The following DNAJC5B variants were observed in gnomAD, a reference collection of about 807,000 sequenced individuals.
DNAJC5B encodes the protein DnaJ heat shock protein family (Hsp40) member C5 beta.
In DNAJC5B, 23 loss-of-function variants were observed where a neutral mutation model predicts 24.7. The ratio of observed to expected loss-of-function variants is 0.93; its 90% confidence interval spans 0.67 to 1.32. DNAJC5B has a LOEUF of 1.32. Ranked by LOEUF, DNAJC5B falls within the 40% of genes most tolerant of loss-of-function variation. The probability of loss-of-function intolerance (pLI) is 0.00; values close to 1 mark genes in which losing one functional copy is unlikely to be tolerated. For synonymous variants in DNAJC5B, 101 were observed against 90.1 expected (o/e 1.12, Z -0.68); for missense variants, 238 against 240.8 (o/e 0.99, Z 0.08).
In DNAJC5B at chr8:66,100,269, A is replaced by G. The variant is rs994549873; in HGVS notation, c.*238A>G. 3.4e-5 allele frequency: 14 copies of G among 412,298 alleles called. 1 individual carries two copies. Among genetic ancestry groups the G allele is most frequent in the African/African-American group, 2.6e-4 (13 of 49,408 alleles). The allele number at this position is 412,298 out of a possible 1,614,324, so 25.5% of individuals were successfully genotyped here. On this transcript the variant is annotated 3_prime_UTR_variant, in exon 6 of 6. Transcript: ENST00000276570. ...GAATAAAGGCCTGAAGAGTTATTTT[A>G]CCCTCCTTGCCTGATGTAGGACAGT...
intron 3 of DNAJC5B, among the ~76,000 whole-genome samples, chr8:66,070,357 A>G (rs950096297): frequency 3.3e-5 from 5 of 152,236 alleles, no homozygotes; most frequent in African/African-American, 1.2e-4. Context: ...CAACTTCAGC[A>G]AAGTCTCAGG....
chr8:66,100,097 G>C lies in DNAJC5B; in HGVS notation c.*66G>C, dbSNP rs1808043343. 1.5e-6 allele frequency: 2 copies of C among 1,377,328 alleles called. No homozygotes were observed. Among genetic ancestry groups the C allele is most frequent in the East Asian group, 2.4e-5 (1 of 42,500 alleles). 85.3% of individuals were successfully genotyped at this position (1,377,328 alleles called of 1,614,324 possible). A position where few individuals can be genotyped will look rare whatever the true frequency, so the allele number is the denominator to read the frequency against. ...CAGTCTTGTCTCCAGATGGTCGTAG[G>C]GGAGCGTGTGGGGCATAAAGTGCTG... On this transcript the variant is annotated 3_prime_UTR_variant, in exon 6 of 6. Coordinates refer to ENST00000276570, the MANE Select transcript of DNAJC5B (RefSeq NM_033105.6).
intron 5 of DNAJC5B, among the ~76,000 whole-genome samples, chr8:66,094,013 GAGC>G (rs1807900333): frequency 6.6e-6 from 1 of 152,026 alleles, no homozygotes; most frequent in Admixed American, 6.6e-5. Flanking sequence ...TAGATATATG[GAGC>G]AGTTTCTGGG....
chr8:66,061,713 T>C (rs1183019607), intron 3 of DNAJC5B, among the ~76,000 whole-genome samples: 6 of 152,196 alleles, frequency 3.9e-5, no homozygotes. Flanking sequence ...ACAACTGTTT[T>C]ATTTTAACAT....
intron 1 of DNAJC5B, among the ~76,000 whole-genome samples, chr8:66,026,504 A>G (rs1563583368): frequency 6.6e-6 from 1 of 152,254 alleles, no homozygotes; most frequent in East Asian, 1.9e-4. Flanking sequence ...ACCTCTCTGA[A>G]GATCCTGAGA....
At chr8:66,029,859 T>G (rs1417844855) in intron 1 of DNAJC5B, among the ~76,000 whole-genome samples, 1 of 152,146 alleles carries the variant, frequency 6.6e-6, no homozygotes, top group Admixed American at 6.5e-5. Flanking sequence ...GAGCTGAAAC[T>G]TTTGACAGTG....
intron 3 of DNAJC5B, among the ~76,000 whole-genome samples, chr8:66,072,823 G>A (rs984820819): frequency 6.6e-6 from 1 of 152,130 alleles, no homozygotes; most frequent in Non-Finnish European, 1.5e-5. Flanking sequence ...TGACCAAACT[G>A]AGTTTATCCC....
rs1222988699 is a variant in DNAJC5B at position 66,080,462 on chromosome 8, G to C, written c.419G>C (p.Cys140Ser). 6.8e-6 allele frequency: 11 copies of C among 1,613,952 alleles called. No individual in the cohort carries two copies. The highest frequency in any genetic ancestry group is 9.3e-6 in the Non-Finnish European group (11 of 1,180,004). ...TGCTGCAACTGCTGCTGTGGACACTGCCGGCCCGAGTCATCAGTGCCAGAA... is the reference window on the plus strand; with the variant it reads ...TGCTGCAACTGCTGCTGTGGACACTCCCGGCCCGAGTCATCAGTGCCAGAA... ...CCCCNCCCGHCRPESSVPEED... is the reference protein window; with the variant it reads ...CCCCNCCCGHSRPESSVPEED... Residue 140 changes from cysteine (C) to serine (S), a missense_variant, in exon 5 of 6, where the codon TGC becomes TCC. Physicochemically the swap from Cys to Ser is moderately radical, Grantham distance 112. Coordinates refer to ENST00000276570, the MANE Select transcript of DNAJC5B (RefSeq NM_033105.6).
In DNAJC5B at chr8:66,080,513, AT is replaced by A; in HGVS notation, c.471del (p.Leu158TrpfsTer30). ...GAGGACTTCTATGTGTCCCCAGAGG[AT>A]CTGGAGGAGCAGATCAAGTCTGACA... is the stretch of plus-strand genomic sequence containing the variant. ...PEEDFYVSPE[D>X]LEEQIKSDME... On this transcript the variant is annotated frameshift_variant, in exon 5 of 6. Coordinates refer to ENST00000276570, the MANE Select transcript of DNAJC5B (RefSeq NM_033105.6). LOFTEE classifies it high-confidence loss of function. 6.2e-7 allele frequency: 1 copy of A among 1,613,168 alleles called. No individual in the cohort carries two copies.
intron 3 of DNAJC5B, among the ~76,000 whole-genome samples, chr8:66,071,767 AC>A (rs780779039): frequency 6.6e-5 from 10 of 152,228 alleles, no homozygotes; most frequent in Non-Finnish European, 1.3e-4. Context: ...TTATTGCAGC[AC>A]TATGCACAAT....
At chr8:66,033,791 T>G (rs1806413011) in intron 1 of DNAJC5B, among the ~76,000 whole-genome samples, 1 of 149,648 alleles carries the variant, frequency 6.7e-6, no homozygotes, top group Admixed American at 6.7e-5. Flanking sequence ...TTTTTTTTTT[T>G]TTGGTAGCAT....
chr8:66,038,332 T>C (rs1256651779), intron 1 of DNAJC5B, among the ~76,000 whole-genome samples: 1 of 152,218 alleles, frequency 6.6e-6, no homozygotes, highest in African/African-American at 2.4e-5. Flanking sequence ...CAGGAGGGAA[T>C]CTTTAGCATT....
At chr8:66,085,433 C>G (rs186771543) in intron 5 of DNAJC5B, among the ~76,000 whole-genome samples, 253 of 151,986 alleles carry the variant, frequency 1.7e-3, no homozygotes, top group South Asian at 4.6e-3. Flanking sequence ...GAGCAAGACT[C>G]CATCTCAAAA....
At chr8:66,091,774 C>T (rs752926717) in intron 5 of DNAJC5B, among the ~76,000 whole-genome samples, 25 of 151,956 alleles carry the variant, frequency 1.6e-4, no homozygotes, top group Non-Finnish European at 2.8e-4. Context: ...ACTTGAGAGA[C>T]TCCATGGTGA....
chr8:66,091,768 G>C (rs978948196), intron 5 of DNAJC5B, among the ~76,000 whole-genome samples: 4 of 152,090 alleles, frequency 2.6e-5, no homozygotes, highest in Non-Finnish European at 5.9e-5. Context: ...AAAAGGACTT[G>C]AGAGACTCCA....
chr8:66,065,953 G>C (rs112277149), intron 3 of DNAJC5B, among the ~76,000 whole-genome samples: 2,260 of 152,248 alleles, frequency 0.015, 52 homozygotes, highest in African/African-American at 0.051. Flanking sequence ...TAACCACAAA[G>C]CTCCATCTTA....
intron 1 of DNAJC5B, among the ~76,000 whole-genome samples, chr8:66,040,370 C>T (rs934793323): frequency 6.8e-6 from 1 of 146,524 alleles, no homozygotes; most frequent in Non-Finnish European, 1.5e-5. Context: ...AGCTTGGCAA[C>T]AGAGTGAGAC....
At chr8:66,097,999 G>A (rs1263243543) in intron 5 of DNAJC5B, among the ~76,000 whole-genome samples, 1 of 151,792 alleles carries the variant, frequency 6.6e-6, no homozygotes, top group Non-Finnish European at 1.5e-5. Flanking sequence ...ACAGGCACCT[G>A]CCACCAGGCC....
chr8:66,064,582 T>C (rs189268512), intron 3 of DNAJC5B, among the ~76,000 whole-genome samples: 25 of 152,308 alleles, frequency 1.6e-4, no homozygotes, highest in African/African-American at 5.1e-4. Flanking sequence ...AAATGTAAAT[T>C]TTCCCCCAGG....
Sources: gnomAD v4.1 joint callset for allele counts (sites outside exome capture counted in the v4.1 genomes callset) on GRCh38, gnomAD v4.1.1 for gene constraint, MANE v1.5 for transcripts, NCBI Gene and HGNC (gene_info 2026-07-23, HGNC 2026-07-21) for gene names.